Variants in MS4A6A observed in about 807,000 individuals in gnomAD.
MS4A6A encodes membrane-spanning 4-domains subfamily A member 6A.
Under a neutral mutation model 20.6 loss-of-function variants are expected in MS4A6A, and 19 were observed. That is an observed-to-expected ratio of 0.92 (90% confidence interval 0.64 to 1.36). MS4A6A has a LOEUF of 1.36. MS4A6A is among the 40% of genes most tolerant of loss of function. The probability of loss-of-function intolerance (pLI) is 0.00; values close to 1 mark genes in which losing one functional copy is unlikely to be tolerated. For synonymous variants in MS4A6A, 108 were observed against 105.0 expected, an observed-to-expected ratio of 1.03 and a Z score of -0.17; for missense variants, 272 against 261.1, an observed-to-expected ratio of 1.04 and a Z score of -0.29.
chr11:60,175,784 G>C (rs1856808119), intron 4 of MS4A6A, among the ~76,000 whole-genome samples, 173 bp from the exon 5 acceptor site: 1 of 152,162 alleles, frequency 6.6e-6, no homozygotes, highest in Non-Finnish European at 1.5e-5. Flanking sequence ...AATCTCCAGG[G>C]TAATTCTTGG....
At chr11:60,183,394 A>C, upstream of MS4A6A, 1 of 543,372 alleles carries the variant, frequency 1.8e-6, no homozygotes, top group Non-Finnish European at 3.3e-6. Context: ...AAAAATATTT[A>C]TAAAAAGCCT....
chr11:60,181,493 A>C, intron 2 of MS4A6A, 88 bp downstream of exon 2: 1 of 1,543,504 alleles, frequency 6.5e-7, no homozygotes, highest in Non-Finnish European at 8.8e-7. Context: ...GGGTCTCCAC[A>C]CTCACGACAG....
At chr11:60,181,810 T>A in intron 1 of MS4A6A, 69 bp from the exon 2 acceptor site, 1 of 1,478,136 alleles carries the variant, frequency 6.8e-7, no homozygotes, top group Non-Finnish European at 9.4e-7. Context: ...CCAAAAACAG[T>A]AACTCAGTCT....
At chr11:60,179,700 G>T in intron 3 of MS4A6A, 131 bp downstream of exon 3, 1 of 1,034,764 alleles carries the variant, frequency 9.7e-7, no homozygotes, top group Non-Finnish European at 1.5e-6. Context: ...CCCGACAGGA[G>T]AACAAGATTC....
intron 3 of MS4A6A, among the ~76,000 whole-genome samples, chr11:60,179,255 G>A (rs1857002616): frequency 6.6e-6 from 1 of 152,142 alleles, no homozygotes; most frequent in Non-Finnish European, 1.5e-5. Context: ...AGTTCTCTGA[G>A]GAAAGGACTA....
downstream of MS4A6A, chr11:60,171,947 G>T: frequency 2.3e-6 from 1 of 428,662 alleles, no homozygotes; most frequent in Non-Finnish European, 4.2e-6. Context: ...GTAATTTACA[G>T]CCCCGTGCTT....
At chr11:60,173,168 C>T (rs376351848) in intron 5 of MS4A6A, 39 bp from the exon 6 acceptor site, 2 of 1,580,068 alleles carry the variant, frequency 1.3e-6, no homozygotes, top group African/African-American at 2.7e-5. Context: ...TTGCTTAGGT[C>T]AGCTGAAGCC....
chr11:60,180,128 T>A (rs1170315300), intron 2 of MS4A6A, 163 bp from the exon 3 acceptor site: 1 of 700,002 alleles, frequency 1.4e-6, no homozygotes, highest in Non-Finnish European at 2.4e-6. Flanking sequence ...AAAGACATCC[T>A]GGAGGGTGTG....
At chr11:60,180,734 C>G (rs1857093464) in intron 2 of MS4A6A, 2 of 250,458 alleles carry the variant, frequency 8.0e-6, no homozygotes, top group South Asian at 9.0e-5. Flanking sequence ...TCCCCCTTAG[C>G]AGACTAACAC....
At chr11:60,183,551 A>C (rs2083842635), upstream of MS4A6A, among the ~76,000 whole-genome samples, 2 of 152,252 alleles carry the variant, frequency 1.3e-5, no homozygotes, top group African/African-American at 4.8e-5. Context: ...TTAAAGGAAC[A>C]TTCATTAATA....
intron 3 of MS4A6A, 30 bp from the exon 4 acceptor site, chr11:60,178,346 G>C (rs746683713): frequency 3.9e-5 from 62 of 1,591,984 alleles, no homozygotes; most frequent in Non-Finnish European, 5.2e-5. Flanking sequence ...GGTCAGGTCA[G>C]ATTCCATGTA....
Position 60,181,856 on chromosome 11 carries a change from G to T in MS4A6A, c.-14-115C>A, listed in dbSNP as rs1446780670. ...GTCTAGGCTTGGCCTGTCCATTAGA[G>T]AAAGAAACTGATAGTATGGAACAGT... On this transcript the variant is annotated intron_variant, in intron 1 of 5. Transcript: ENST00000528851. 5 of 970,550 alleles carry T rather than the reference G, an allele frequency of 5.2e-6. No individual in the cohort carries two copies. In the Admixed American group the frequency reaches 7.0e-5, roughly 14 times the overall value. The allele number at this position is 970,550 out of a possible 1,614,324, so 60.1% of individuals were successfully genotyped here.
At chr11:60,175,327 A>G (rs1856775931) in intron 5 of MS4A6A, 75 bp downstream of exon 5, 1 of 1,273,404 alleles carries the variant, frequency 7.9e-7, no homozygotes, top group Non-Finnish European at 1.1e-6. Context: ...AGAGATTTTC[A>G]AAAGAAGGAA....
At chr11:60,174,326 CTTTTT>C (rs5792171) in intron 5 of MS4A6A, among the ~76,000 whole-genome samples, 1 of 142,038 alleles carries the variant, frequency 7.0e-6, no homozygotes. Context: ...TTCTTTATTC[CTTTTT>C]TTTTTTTTTT....
chr11:60,172,346 C>A, downstream of MS4A6A: 5 of 1,519,354 alleles, frequency 3.3e-6, no homozygotes, highest in Non-Finnish European at 4.4e-6. Context: ...ACATAGAATT[C>A]TTAGCTAATC....
chr11:60,172,061 T>C (rs1161729804), downstream of MS4A6A: 2 of 1,206,358 alleles, frequency 1.7e-6, no homozygotes, highest in African/African-American at 3.0e-5. Context: ...TTTAAAAGCT[T>C]ACATTTAGGA....
Position 60,181,668 on chromosome 11 carries a change from G to A in MS4A6A, c.60C>T (p.Asn20=). ...TIIVLPSNVI[N]FSQAEKPEPT... is the part of the protein sequence containing the mutation. ...GTTCGGGTTTCTCTGCTTGGGAGAA[G>A]TTGATGACATTTGATGGGAGCACTA... The change falls in exon 2 of 6, where the codon AAC becomes AAT. Residue 20 remains asparagine (N), a synonymous_variant. Coordinates refer to ENST00000528851, the MANE Select transcript of MS4A6A (RefSeq NM_022349.4). 1 of 1,614,084 alleles carries A rather than the reference G, an allele frequency of 6.2e-7. No individual in the cohort carries two copies. Among genetic ancestry groups the A allele is most frequent in the Non-Finnish European group, 8.5e-7 (1 of 1,179,978 alleles).
Position 60,175,511 on chromosome 11 carries a change from A to C in MS4A6A, c.440T>G (p.Leu147Arg), listed in dbSNP as rs761287516. 2 of 1,614,150 alleles carry C rather than the reference A, an allele frequency of 1.2e-6. No homozygotes were observed. The highest frequency in any genetic ancestry group is 1.1e-5 in the South Asian group (1 of 91,082). ...VKQATLNPAS[L>R]QCELDKNNIP... ...ATTATTTTTGTCCAACTCACACTGC[A>C]GTGAGGCAGGATTTAAGGTGGCCTG... The change falls in exon 5 of 6, where the codon CTG (leucine) becomes CGG (arginine). Residue 147 changes from leucine to arginine, a missense_variant. Physicochemically the swap from Leu to Arg is moderately radical, Grantham distance 102. Transcript: ENST00000528851.
At chr11:60,182,945 G>A (rs890060960) in intron 1 of MS4A6A, 33 bp downstream of exon 1, 2 of 1,307,066 alleles carry the variant, frequency 1.5e-6, no homozygotes, top group Non-Finnish European at 2.0e-6. Flanking sequence ...CAAGGGAATA[G>A]TGAGATGAGA....
Sources: allele counts gnomAD v4.1 joint callset (sites outside exome capture counted in the v4.1 genomes callset), GRCh38; gene constraint gnomAD v4.1.1; transcripts MANE v1.5; gene names NCBI Gene and HGNC (gene_info 2026-07-23, HGNC 2026-07-21).